Variants in NCKAP5L observed in about 807,000 individuals in gnomAD.
The protein encoded by NCKAP5L is NCK associated protein 5 like, also known as nck-associated protein 5-like.
A neutral mutation model predicts 103.2 loss-of-function variants in NCKAP5L; 54 were observed. The observed-to-expected ratio is 0.52, with a 90% confidence interval of 0.42 to 0.66. The LOEUF is 0.66. Ranked by LOEUF, NCKAP5L falls within the 30% of genes least tolerant of loss-of-function variation. NCKAP5L has a pLI of 0.00. For missense variants in NCKAP5L, 1,733 were observed against 1,750.6 expected (o/e 0.99, Z 0.18); for synonymous variants, 762 against 748.6 (o/e 1.02, Z -0.29).
chr12:49,793,961 C>T, intron 8 of NCKAP5L, 65 bp from the exon 9 acceptor site: 2 of 1,383,270 alleles, frequency 1.4e-6, no homozygotes, highest in Non-Finnish European at 1.9e-6. Context: ...CAGCCTTGCA[C>T]CCGCCAATGG....
intron 7 of NCKAP5L, 123 bp downstream of exon 7, chr12:49,798,227 T>C: frequency 3.4e-6 from 3 of 889,836 alleles, no homozygotes; most frequent in Middle Eastern, 2.1e-4. Context: ...TCTGCTTTTT[T>C]TGGCATTCGG....
intron 1 of NCKAP5L, among the ~76,000 whole-genome samples, chr12:49,810,700 C>G (rs555878717): frequency 1.2e-4 from 19 of 152,250 alleles, no homozygotes; most frequent in South Asian, 4.2e-4. Context: ...TTAAGTCAGA[C>G]AGAAGAAATT....
intron 1 of NCKAP5L, among the ~76,000 whole-genome samples, chr12:49,819,104 G>A (rs900897748): frequency 3.9e-5 from 6 of 151,916 alleles, no homozygotes; most frequent in African/African-American, 7.2e-5. Flanking sequence ...AGGCCGAGGT[G>A]GGCAGATCAC....
At position 49,798,427 on chromosome 12, in the gene NCKAP5L, G is replaced by C. The variant is rs746569302; in HGVS notation, c.388C>G (p.Pro130Ala). ...GTGGAGCTCAGGGAGGGGGAGGCTG[G>C]TGGCTCTGATGGTGGCTGGAGTGGA... ...LTPLQPPSEP[P>A]ASPSLSSTEG... is the part of the protein sequence containing the mutation. Residue 130 changes from proline to alanine, a missense_variant, in exon 7 of 13, where the codon CCA becomes GCA. Pro to Ala is a conservative substitution (Grantham distance 27, BLOSUM62 -1). Coordinates refer to ENST00000335999, the MANE Select transcript of NCKAP5L (RefSeq NM_001037806.4). The C allele has an allele frequency of 1.3e-6, 2 of 1,581,980 alleles. No homozygotes were observed. The highest frequency in any genetic ancestry group is 1.2e-5 in the South Asian group (1 of 86,354).
At chr12:49,824,333 T>G (rs1946393082) in intron 1 of NCKAP5L, among the ~76,000 whole-genome samples, 1 of 152,132 alleles carries the variant, frequency 6.6e-6, no homozygotes, top group Non-Finnish European at 1.5e-5. Flanking sequence ...GTCCATGAAG[T>G]GGGAGTGGGG....
At chr12:49,805,777 CGCCACTGTGCTCAA>C (rs1049376882) in intron 2 of NCKAP5L, 189 bp downstream of exon 2, 8 of 152,264 alleles carry the variant, frequency 5.3e-5, no homozygotes, top group African/African-American at 1.9e-4. Flanking sequence ...GAGCTATGAT[CGCCACTGTGCTCAA>C]GCCTGGGCAA....
In NCKAP5L at chr12:49,795,548, C is replaced by T; in HGVS notation, c.2312G>A (p.Cys771Tyr). 6.5e-7 allele frequency: 1 copy of T among 1,536,590 alleles called. No individual in the cohort carries two copies. Among genetic ancestry groups the T allele is most frequent in the Non-Finnish European group, 8.7e-7 (1 of 1,145,716 alleles). ...CTTGGCCAGCTCCACTTTGGTGAGG[C>T]AGCTCCTTGGTGAGACAGGCTCCAG... ...VDLEPVSPRS[C>Y]LTKVELAKSR... The change falls in exon 8 of 13, where the codon TGC becomes TAC. Residue 771 changes from cysteine (C) to tyrosine (Y), a missense_variant. Cys to Tyr is a radical substitution (Grantham distance 194). Transcript: ENST00000335999.
At position 49,797,223 on chromosome 12, in the gene NCKAP5L, G is replaced by T. The variant is rs371984400; in HGVS notation, c.637C>A (p.Arg213=). ...LLLCSPATPW[R]PPGQGPGSPE... Reference sequence around the variant, plus strand: ...GAGCCAGGCCCCTGGCCTGGAGGCCGCCAGGGGGTGGCAGGTGAGCAGAGA... The same window carrying T: ...GAGCCAGGCCCCTGGCCTGGAGGCCTCCAGGGGGTGGCAGGTGAGCAGAGA... The change falls in exon 8 of 13, where the codon CGG becomes AGG. Residue 213 remains arginine (R), a synonymous_variant. Transcript: ENST00000335999. This position sits in a 1 kb window ranked among gnomAD's most constrained non-coding sequence, Gnocchi z 4.5. 3 of 1,613,272 alleles carry T rather than the reference G, an allele frequency of 1.9e-6. No homozygotes were observed. In the African/African-American group the frequency reaches 4.0e-5, roughly 22 times the overall value.
rs1945947123 is a variant in NCKAP5L, at chr12:49,792,202, G to A, written c.3793-151C>T. 2 of 1,040,282 alleles carry A rather than the reference G, an allele frequency of 1.9e-6. No homozygotes were observed. The highest frequency in any genetic ancestry group is 1.6e-5 in the African/African-American group (1 of 63,430). 64.4% of individuals were successfully genotyped at this position (1,040,282 alleles called of 1,614,324 possible). A position where few individuals can be genotyped will look rare whatever the true frequency, so the allele number is the denominator to read the frequency against. ...GGGTATACTTCAGAGGAAACAGGCT[G>A]GAGGTACAACTGAGAACAGTCCTAC... On this transcript the variant is annotated intron_variant, in intron 12 of 12. Transcript: ENST00000335999. The surrounding 1 kb of genome is among the most constrained non-coding windows in gnomAD (Gnocchi z 4.5).
intron 1 of NCKAP5L, among the ~76,000 whole-genome samples, chr12:49,806,254 C>T (rs573438981): frequency 2.7e-4 from 41 of 152,252 alleles, no homozygotes; most frequent in Non-Finnish European, 5.0e-4. Context: ...CAGATGAAAT[C>T]CTGGAATGGG....
chr12:49,796,355 G>A lies in NCKAP5L; in HGVS notation c.1505C>T (p.Ala502Val). The A allele has an allele frequency of 6.4e-7, 1 of 1,569,368 alleles. No individual in the cohort carries two copies. Among genetic ancestry groups the A allele is most frequent in the Non-Finnish European group, 8.6e-7 (1 of 1,158,442 alleles). ...CTCTCCTCCACCCAGACCCCTTCGG[G>A]CCAACAGTGGGGAGGGGCTGCCGTC... is the stretch of plus-strand genomic sequence containing the variant. Reference protein sequence around the residue: ...GSDGSPSPLLARRGLGGGELS... With the variant: ...GSDGSPSPLLVRRGLGGGELS... The change falls in exon 8 of 13, where the codon GCC (alanine) becomes GTC (valine). Residue 502 changes from alanine (A) to valine (V), a missense_variant. Transcript: ENST00000335999.
intron 2 of NCKAP5L, chr12:49,805,186 C>CCT (rs1307235554): frequency 6.6e-6 from 1 of 152,422 alleles, no homozygotes; most frequent in Non-Finnish European, 1.5e-5. Context: ...TGTACACCAG[C>CCT]CTCCCCCACC....
intron 6 of NCKAP5L, 43 bp downstream of exon 6, chr12:49,801,798 GAGGAGGC>G: frequency 6.2e-7 from 1 of 1,606,352 alleles, no homozygotes; most frequent in Non-Finnish European, 8.5e-7. Context: ...CGATGGAGCC[GAGGAGGC>G]AGGAGGCAGT....
intron 1 of NCKAP5L, among the ~76,000 whole-genome samples, chr12:49,820,780 G>A (rs1474359273): frequency 6.6e-6 from 1 of 152,206 alleles, no homozygotes; most frequent in African/African-American, 2.4e-5. Flanking sequence ...AACAGCTCTG[G>A]TTCACCCACA....
rs1171974845 is a variant in NCKAP5L at position 49,795,288 on chromosome 12, C to T, written c.2572G>A (p.Ala858Thr). ...CCAGGTACTAGGGGTGTGGACTGGGCCGTGGTACTACCACAGTCTGCCCAG... is the reference window on the plus strand; with the variant it reads ...CCAGGTACTAGGGGTGTGGACTGGGTCGTGGTACTACCACAGTCTGCCCAG... ...PPWADCGSTT[A>T]QSTPLVPGPT... is the part of the protein sequence containing the mutation. Residue 858 changes from alanine (A) to threonine (T), a missense_variant, in exon 8 of 13, where the codon GCC (alanine) becomes ACC (threonine). By Grantham distance (58) the Ala-to-Thr change is moderately conservative. Transcript: ENST00000335999. The T allele has an allele frequency of 7.2e-6, 11 of 1,530,162 alleles. No homozygotes were observed. Among genetic ancestry groups the T allele is most frequent in the Non-Finnish European group, 9.6e-6 (11 of 1,141,018 alleles). 94.8% of individuals were successfully genotyped at this position (1,530,162 alleles called of 1,614,324 possible). A position where few individuals can be genotyped will look rare whatever the true frequency, so the allele number is the denominator to read the frequency against.
chr12:49,810,303 G>T (rs894284920), intron 1 of NCKAP5L, among the ~76,000 whole-genome samples: 1 of 152,200 alleles, frequency 6.6e-6, no homozygotes, highest in East Asian at 1.9e-4. Flanking sequence ...TCCAGCCCAG[G>T]CCGTCCTAGC....
intron 4 of NCKAP5L, 42 bp from the exon 5 acceptor site, chr12:49,803,038 C>T (rs1485908056): frequency 6.2e-7 from 1 of 1,614,248 alleles, no homozygotes; most frequent in East Asian, 2.2e-5. Context: ...CAGCTGACCC[C>T]AGCTTCTGCC....
rs1344765469 is a variant in NCKAP5L, at chr12:49,791,175, G to C, written c.*664C>G. The C allele has an allele frequency of 6.6e-6, 1 of 152,642 alleles. No individual in the cohort carries two copies. The highest frequency in any genetic ancestry group is 1.5e-5 in the Non-Finnish European group (1 of 68,374). The allele number at this position is 152,642 out of a possible 1,614,324, so 9.5% of individuals were successfully genotyped here. ...GAGGGGGCCTCCACATTTTATTAGGGATACGGCAGAAGCAGAGGCAGGAAG... is the reference window on the plus strand; with the variant it reads ...GAGGGGGCCTCCACATTTTATTAGGCATACGGCAGAAGCAGAGGCAGGAAG... On this transcript the variant is annotated 3_prime_UTR_variant, in exon 13 of 13. Transcript: ENST00000335999.
At chr12:49,821,152 G>C (rs1473485698) in intron 1 of NCKAP5L, among the ~76,000 whole-genome samples, 5 of 152,178 alleles carry the variant, frequency 3.3e-5, no homozygotes, top group African/African-American at 1.2e-4. Flanking sequence ...AGTCAGGGAG[G>C]AGAAAGGAAG....
Sources: gnomAD v4.1 joint callset for allele counts (sites outside exome capture counted in the v4.1 genomes callset) on GRCh38, gnomAD v4.1.1 for gene constraint, Gnocchi (gnomAD v3.1) non-coding constraint, MANE v1.5 for transcripts, NCBI Gene and HGNC (gene_info 2026-07-23, HGNC 2026-07-21) for gene names.